MRPL34: variants seen among roughly 807,000 people sequenced by gnomAD.
The protein encoded by MRPL34 is mitochondrial ribosomal protein L34.
A neutral mutation model predicts 6.7 loss-of-function variants in MRPL34; 8 were observed. That is an observed-to-expected ratio of 1.20 (90% confidence interval 0.70 to 2.16). The LOEUF is 2.16. MRPL34 is among the 30% of genes most tolerant of loss of function. MRPL34 has a pLI of 0.00. For synonymous variants in MRPL34, 59 were observed against 55.1 expected (o/e 1.07, Z -0.31); for missense variants, 146 against 125.5 (o/e 1.16, Z -0.78).
intron 1 of MRPL34, 67 bp downstream of exon 1, chr19:17,306,024 C>G (rs1178711843): frequency 3.2e-6 from 5 of 1,585,874 alleles, no homozygotes; most frequent in Non-Finnish European, 4.3e-6. Flanking sequence ...TGGCGCCACT[C>G]TTCACTGCCC....
upstream of MRPL34, chr19:17,303,437 C>T (rs1312889592): frequency 2.0e-5 from 3 of 152,364 alleles, no homozygotes; most frequent in Non-Finnish European, 4.4e-5. Context: ...AGTTCCTCCC[C>T]CGAGTAGGCG....
upstream of MRPL34, chr19:17,305,748 G>T: frequency 1.2e-6 from 1 of 852,690 alleles, no homozygotes; most frequent in Non-Finnish European, 1.9e-6. Context: ...CGCAGGCGCA[G>T]AACTACAACT....
At position 17,306,146 on chromosome 19, in the gene MRPL34, C is replaced by T. The variant is rs1305558759; in HGVS notation, c.66-20C>T. 1 of 1,510,190 alleles carries T rather than the reference C, an allele frequency of 6.6e-7. No individual in the cohort carries two copies. Among genetic ancestry groups the T allele is most frequent in the Non-Finnish European group, 8.8e-7 (1 of 1,130,790 alleles). 93.5% of individuals were successfully genotyped at this position (1,510,190 alleles called of 1,614,324 possible). A position where few individuals can be genotyped will look rare whatever the true frequency, so the allele number is the denominator to read the frequency against. The stretch of plus-strand genomic sequence containing the variant: ...CCAGCGCCCCGTCTGACCTTTCTCG[C>T]CGTCCCTCTACCCACGCAGGTGGCT... On this transcript the variant is annotated intron_variant, in intron 1 of 1. Transcript: ENST00000252602.
chr19:17,295,090 A>AT (rs779607230), intron 1 of MRPL34, among the ~76,000 whole-genome samples: 3,005 of 80,338 alleles, frequency 0.037, 430 homozygotes, highest in East Asian at 0.1. Flanking sequence ...CACCCAGGTA[A>AT]TTTTTTTTTT....
upstream of MRPL34, among the ~76,000 whole-genome samples, chr19:17,300,205 T>A (rs966242570): frequency 4.2e-4 from 64 of 150,744 alleles, no homozygotes; most frequent in Non-Finnish European, 1.3e-4. Flanking sequence ...CGCCCGGATT[T>A]TTTTTTCTTT....
upstream of MRPL34, among the ~76,000 whole-genome samples, chr19:17,299,132 TG>T (rs2074105429): frequency 6.6e-6 from 1 of 151,808 alleles, no homozygotes; most frequent in East Asian, 1.9e-4. Context: ...GTTTTCAGCC[TG>T]GTATAGCGGC....
At chr19:17,294,415 A>G (rs754597785) in intron 1 of MRPL34, 1 of 1,614,054 alleles carries the variant, frequency 6.2e-7, no homozygotes, top group Non-Finnish European at 8.5e-7. Flanking sequence ...GCCGCTCATC[A>G]TGGCCCGGAG....
chr19:17,297,816 G>A (rs1599523823), intron 1 of MRPL34: 1 of 147,372 alleles, frequency 6.8e-6, no homozygotes. Context: ...GGTTGGTCTT[G>A]AACTCCTCAG....
chr19:17,299,726 TAA>T (rs2074109094), upstream of MRPL34, among the ~76,000 whole-genome samples: 1 of 151,686 alleles, frequency 6.6e-6, no homozygotes, highest in African/African-American at 2.4e-5. Flanking sequence ...AAAAAAATTT[TAA>T]AAATGTAAAA....
chr19:17,293,752 G>A (rs1251224644), intron 1 of MRPL34, among the ~76,000 whole-genome samples: 1 of 151,076 alleles, frequency 6.6e-6, no homozygotes, highest in East Asian at 1.9e-4. Flanking sequence ...GGAGTGCAGT[G>A]GTGCGAGCAT....
upstream of MRPL34, among the ~76,000 whole-genome samples, chr19:17,301,986 G>T (rs750195305): frequency 6.6e-6 from 1 of 152,086 alleles, no homozygotes; most frequent in Non-Finnish European, 1.5e-5. Context: ...TAGAGATGGG[G>T]TTTCACCATG....
upstream of MRPL34, chr19:17,301,678 C>T: frequency 1.4e-6 from 2 of 1,476,854 alleles, no homozygotes. Flanking sequence ...GAACCCTGCA[C>T]CGTGCAGCAG....
upstream of MRPL34, among the ~76,000 whole-genome samples, chr19:17,300,345 A>AT (rs1272587629): frequency 1.3e-5 from 2 of 151,798 alleles, no homozygotes; most frequent in Admixed American, 1.3e-4. Context: ...GTGGAACTAT[A>AT]TGCGTGCACC....
Position 17,306,479 on chromosome 19 carries a change from T to A in MRPL34, c.*100T>A. The A allele has an allele frequency of 9.0e-7, 1 of 1,116,360 alleles. No individual in the cohort carries two copies. The highest frequency in any genetic ancestry group is 1.2e-6 in the Non-Finnish European group (1 of 800,036). 69.2% of individuals were successfully genotyped at this position (1,116,360 alleles called of 1,614,324 possible). A position where few individuals can be genotyped will look rare whatever the true frequency, so the allele number is the denominator to read the frequency against. On this transcript the variant is annotated 3_prime_UTR_variant, in exon 2 of 2. Coordinates refer to ENST00000252602, the MANE Select transcript of MRPL34 (RefSeq NM_023937.4). Reference sequence around the variant, plus strand: ...CAGGGAGCTGGGGAGCAGGAACGCCTCGGACCTGAGTGCTCTCCATATTGT... The same window carrying A: ...CAGGGAGCTGGGGAGCAGGAACGCCACGGACCTGAGTGCTCTCCATATTGT...
upstream of MRPL34, chr19:17,301,518 G>A: frequency 6.2e-7 from 1 of 1,611,046 alleles, no homozygotes; most frequent in Non-Finnish European, 8.5e-7. Context: ...CTACAAAGGT[G>A]TAGCCATCGC....
upstream of MRPL34, among the ~76,000 whole-genome samples, chr19:17,305,371 A>T (rs2145665306): frequency 6.6e-6 from 1 of 151,940 alleles, no homozygotes; most frequent in Non-Finnish European, 1.5e-5. Flanking sequence ...AGAGTGGCGC[A>T]GGGACCACCC....
At chr19:17,305,862 C>T (rs373416885), upstream of MRPL34, 2 of 1,611,898 alleles carry the variant, frequency 1.2e-6, no homozygotes, top group Non-Finnish European at 1.7e-6. Context: ...CGGAATCGCC[C>T]GCAGCCGGTA....
chr19:17,294,880 A>G (rs1378233478), intron 1 of MRPL34: 1 of 1,603,874 alleles, frequency 6.2e-7, no homozygotes. Flanking sequence ...GGAGGATTGA[A>G]GGGAGGCGGT....
chr19:17,305,840 G>A (rs368255292), upstream of MRPL34: 1 of 1,547,698 alleles, frequency 6.5e-7, no homozygotes, highest in Non-Finnish European at 8.9e-7. Flanking sequence ...GGGCTGGAGC[G>A]GCTCTGGGCT....
Sources: allele counts gnomAD v4.1 joint callset (sites outside exome capture counted in the v4.1 genomes callset), GRCh38; gene constraint gnomAD v4.1.1; transcripts MANE v1.5; gene names NCBI Gene and HGNC (gene_info 2026-07-23, HGNC 2026-07-21).